The following TAF1 variants were observed in gnomAD, a reference collection of about 807,000 sequenced individuals.
TAF1 encodes TATA-box binding protein associated factor 1, also known as transcription initiation factor TFIID subunit 1.
In TAF1, 2 loss-of-function variants were observed where a neutral mutation model predicts 138.5. That is an observed-to-expected ratio of 0.01 (90% CI 0.01 to 0.05). TAF1 has a LOEUF of 0.05. Among genes scored for constraint, TAF1 ranks in the 10% least tolerant of loss-of-function variants. The pLI is 1.00. For missense variants in TAF1, 709 were observed against 1,478.0 expected (o/e 0.48, Z 8.53); for synonymous variants, 437 against 503.2 (o/e 0.87, Z 1.76).
chrX:71,431,655 G>A (rs1443014322), intron 32 of TAF1, among the ~76,000 whole-genome samples: 1 of 110,747 alleles, frequency 9.0e-6, no homozygotes, highest in Non-Finnish European at 1.9e-5. Context: ...GGTGGCTCAC[G>A]CCTGTAATCC....
intron 13 of TAF1, among the ~76,000 whole-genome samples, chrX:71,480,069 CA>C (rs1400481721): frequency 4.5e-5 from 5 of 110,405 alleles, no homozygotes; most frequent in Non-Finnish European, 3.8e-5. Flanking sequence ...TGTGAAAAAT[CA>C]AAAAATTATC....
At position 71,433,841 on chromosome X, in the gene TAF1, C is replaced by G. The variant is rs1006479374; in HGVS notation, c.4753+9603C>G. ...ACAGCCTAGAAGGCTGACTTTCCCC[C>G]CTCCTTAACCAGTGGATGAGAGAAT... On this transcript the variant is annotated intron_variant, in intron 32 of 37. Coordinates refer to ENST00000423759, the MANE Select transcript of TAF1 (RefSeq NM_004606.5). 5.5e-5 allele frequency among the ~76,000 whole-genome samples: 6 copies of G among 109,310 alleles called. No homozygotes were observed. In the East Asian group the frequency reaches 1.2e-3, roughly 21 times the overall value. 94.9% of individuals were successfully genotyped at this position (109,310 alleles called of 115,157 possible). A position where few individuals can be genotyped will look rare whatever the true frequency, so the allele number is the denominator to read the frequency against.
rs951879410 is a variant in TAF1 at position 71,455,550 on chromosome X, T to C, written c.4938+693T>C. ...GGTTTCTGTATTGGAGGCACTATGG[T>C]AGGGTGGAAAGTACATAAGAATTGA... On this transcript the variant is annotated intron_variant, in intron 34 of 37. Coordinates refer to ENST00000423759, the MANE Select transcript of TAF1 (RefSeq NM_004606.5). 6.3e-5 allele frequency among the ~76,000 whole-genome samples: 7 copies of C among 111,518 alleles called. 1 individual carries two copies. Among genetic ancestry groups the C allele is most frequent in the Non-Finnish European group, 1.3e-4 (7 of 53,093 alleles).
intron 13 of TAF1, among the ~76,000 whole-genome samples, chrX:71,475,599 AAG>A (rs200864428): frequency 1.9e-4 from 21 of 108,758 alleles, no homozygotes; most frequent in African/African-American, 6.9e-4. Context: ...AAAAAAAAAA[AAG>A]AAAAAGAAAA....
At chrX:71,457,221 A>T (rs1170441110) in intron 34 of TAF1, among the ~76,000 whole-genome samples, 1 of 112,371 alleles carries the variant, frequency 8.9e-6, no homozygotes, top group Non-Finnish European at 1.9e-5. Context: ...TTTTTTAAAA[A>T]ACACAATGTA....
intron 13 of TAF1, among the ~76,000 whole-genome samples, chrX:71,525,067 G>C (rs1247067750): frequency 2.7e-5 from 3 of 110,669 alleles, no homozygotes; most frequent in Non-Finnish European, 3.8e-5. Context: ...TTGAGACAGA[G>C]TTTCACTCTT....
At chrX:71,496,131 C>G (rs1313340165) in intron 13 of TAF1, among the ~76,000 whole-genome samples, 1 of 112,332 alleles carries the variant, frequency 8.9e-6, no homozygotes, top group Non-Finnish European at 1.9e-5. Context: ...TTCTTTATCT[C>G]TCACTGAATA....
At chrX:71,406,892 T>A (rs2035499334) in intron 26 of TAF1, 146 bp downstream of exon 26, 7 of 409,141 alleles carry the variant, frequency 1.7e-5, no homozygotes, top group Non-Finnish European at 2.7e-5. Context: ...TTCTAAAATA[T>A]GTTTGTCTAG....
Position 71,378,056 on chromosome X carries a change from T to G in TAF1, c.934-179T>G, listed in dbSNP as rs954272433. ...GGGTAGATGGTGATATGCTGCTGAA[T>G]AAGAAGGTTTGATTGATAGGTGGAA... On this transcript the variant is annotated intron_variant, in intron 6 of 37. Coordinates refer to ENST00000423759, the MANE Select transcript of TAF1 (RefSeq NM_004606.5). 7.0e-5 allele frequency: 41 copies of G among 586,293 alleles called. No individual in the cohort carries two copies. In the Admixed American group the frequency reaches 1.5e-3, roughly 21 times the overall value. 48.3% of individuals were successfully genotyped at this position (586,293 alleles called of 1,213,427 possible).
At chrX:71,398,353 A>G (rs912514055) in intron 23 of TAF1, among the ~76,000 whole-genome samples, 18 of 111,131 alleles carry the variant, frequency 1.6e-4, no homozygotes, top group Admixed American at 4.8e-4. Flanking sequence ...AGAAAAAAAA[A>G]AAAAAACCTT....
At chrX:71,437,649 CAAAA>C (rs769364946) in intron 32 of TAF1, among the ~76,000 whole-genome samples, 2 of 61,254 alleles carry the variant, frequency 3.3e-5, no homozygotes. Flanking sequence ...ACTCTGTCTC[CAAAA>C]AAAAAAAAAA....
chrX:71,492,503 C>G (rs1403798393), intron 13 of TAF1: 2 of 123,481 alleles, frequency 1.6e-5, no homozygotes, highest in African/African-American at 3.2e-5. Context: ...CTGTCCGGGC[C>G]GACCTTGCCG....
At chrX:71,449,838 T>A (rs751115402) in intron 32 of TAF1, among the ~76,000 whole-genome samples, 1 of 112,197 alleles carries the variant, frequency 8.9e-6, no homozygotes, top group South Asian at 3.7e-4. Flanking sequence ...AGTGGCGTGA[T>A]CATGGCTCAC....
chrX:71,446,498 A>G (rs1372920032), intron 32 of TAF1, among the ~76,000 whole-genome samples: 2 of 111,837 alleles, frequency 1.8e-5, no homozygotes, highest in Non-Finnish European at 3.8e-5. Flanking sequence ...AAAAGGAAAA[A>G]TCTTGTTCTT....
chrX:71,518,857 G>A (rs1049004166), intron 13 of TAF1, among the ~76,000 whole-genome samples: 5 of 105,350 alleles, frequency 4.7e-5, no homozygotes, highest in African/African-American at 1.0e-4. Flanking sequence ...CACCATGCCC[G>A]GATAATTTTT....
chrX:71,380,442 A>AT (rs2033806712), intron 8 of TAF1, among the ~76,000 whole-genome samples: 1 of 110,884 alleles, frequency 9.0e-6, no homozygotes, highest in Non-Finnish European at 1.9e-5. Context: ...TTAAATTATT[A>AT]TTTTTTGTAG....
At chrX:71,396,295 CT>C (rs368521405) in intron 22 of TAF1, among the ~76,000 whole-genome samples, 6,585 of 93,213 alleles carry the variant, frequency 0.071, 496 homozygotes, top group African/African-American at 0.23. Context: ...TGCTTGGGTA[CT>C]TTTTTTTTTT....
At chrX:71,496,823 C>G (rs941754609) in intron 13 of TAF1, among the ~76,000 whole-genome samples, 1 of 111,097 alleles carries the variant, frequency 9.0e-6, no homozygotes, top group Non-Finnish European at 1.9e-5. Context: ...TTCTGTCTCT[C>G]CCCCCCAACC....
intron 13 of TAF1, among the ~76,000 whole-genome samples, chrX:71,504,741 C>CAAAA (rs41370846): frequency 0.04 from 232 of 5,768 alleles, 7 homozygotes; most frequent in East Asian, 0.048. Flanking sequence ...GACCCTGTCT[C>CAAAA]AAAAAAAAAA....
Sources: allele counts gnomAD v4.1 joint callset (sites outside exome capture counted in the v4.1 genomes callset), GRCh38; gene constraint gnomAD v4.1.1; transcripts MANE v1.5; gene names NCBI Gene and HGNC (gene_info 2026-07-23, HGNC 2026-07-21).